Variants in MAD1L1 observed in about 807,000 individuals in gnomAD.
MAD1L1 encodes mitotic arrest deficient 1 like 1.
In MAD1L1, 95 loss-of-function variants were observed where a neutral mutation model predicts 96.9. The ratio of observed to expected loss-of-function variants is 0.98; its 90% CI spans 0.83 to 1.16. The LOEUF (loss-of-function observed/expected upper bound fraction) is 1.16. Among genes scored for constraint, MAD1L1 ranks in the 50% most tolerant of loss-of-function variants. The pLI is 0.00. For missense variants in MAD1L1, 1,007 were observed against 954.4 expected, an observed-to-expected ratio of 1.06 and a Z score of -0.73; for synonymous variants, 473 against 396.6, an observed-to-expected ratio of 1.19 and a Z score of -2.29.
rs1043101211 is a variant in MAD1L1 at position 2,232,862 on chromosome 7, G to C, written c.-190+10C>G. The C allele has an allele frequency of 1.3e-5, 2 of 152,310 alleles. No individual in the cohort carries two copies. The highest frequency in any genetic ancestry group is 2.9e-5 in the Non-Finnish European group (2 of 68,100). 9.4% of individuals were successfully genotyped at this position (152,310 alleles called of 1,614,324 possible). The stretch of plus-strand genomic sequence containing the variant: ...GGGACCCCGCCGCCCGCGCGAGCCG[G>C]GCCGCTTACCTCAGCCGCTCGCAGC... On this transcript the variant is annotated intron_variant, in intron 1 of 18. Coordinates refer to ENST00000265854, the MANE Select transcript of MAD1L1 (RefSeq NM_001013836.2).
rs1477301348 is a variant in MAD1L1, at chr7:2,158,445, A to G, written c.987-9207T>C. On this transcript the variant is annotated intron_variant, in intron 10 of 18. Coordinates refer to ENST00000265854, the MANE Select transcript of MAD1L1 (RefSeq NM_001013836.2). Reference sequence around the variant, plus strand: ...TCAAGCTTTCAAAGAATAGAAATCCACAGGGCCTAGGACCACAGTCCAAAA... The same window carrying G: ...TCAAGCTTTCAAAGAATAGAAATCCGCAGGGCCTAGGACCACAGTCCAAAA... Among the ~76,000 whole-genome samples the G allele has an allele frequency of 2.6e-5, 4 of 152,362 alleles. No individual in the cohort carries two copies. In the East Asian group the frequency reaches 5.8e-4, roughly 22 times the overall value.
intron 14 of MAD1L1, among the ~76,000 whole-genome samples, chr7:1,986,956 C>G (rs1781178481): frequency 2.0e-5 from 3 of 152,132 alleles, no homozygotes; most frequent in Admixed American, 2.0e-4. Context: ...CTGCACCTCC[C>G]CGCCAGGCCA....
chr7:2,168,399 G>A (rs1340582593), intron 10 of MAD1L1, among the ~76,000 whole-genome samples: 2 of 152,232 alleles, frequency 1.3e-5, no homozygotes, highest in African/African-American at 4.8e-5. Context: ...AGAAAAAGGT[G>A]CATCATTAGC....
intron 16 of MAD1L1, among the ~76,000 whole-genome samples, chr7:1,953,738 A>G (rs926100044): frequency 6.6e-6 from 1 of 152,238 alleles, no homozygotes; most frequent in African/African-American, 2.4e-5. Context: ...AACTTCCCTC[A>G]ACTTCACAAC....
chr7:2,044,673 C>G (rs1248824066), intron 12 of MAD1L1, among the ~76,000 whole-genome samples: 1 of 152,208 alleles, frequency 6.6e-6, no homozygotes, highest in African/African-American at 2.4e-5. Flanking sequence ...CTCGGTTTCT[C>G]TTCCTGTACA....
At chr7:2,073,182 T>C (rs1392708984) in intron 11 of MAD1L1, among the ~76,000 whole-genome samples, 4 of 152,192 alleles carry the variant, frequency 2.6e-5, no homozygotes, top group Non-Finnish European at 5.9e-5. Flanking sequence ...TCAGCAGAAC[T>C]AGCATATCCC....
chr7:2,162,711 A>C (rs1387679042), intron 10 of MAD1L1, among the ~76,000 whole-genome samples: 3 of 150,474 alleles, frequency 2.0e-5, no homozygotes, highest in African/African-American at 7.3e-5. Flanking sequence ...CCACTCACAA[A>C]AAAAAAAAAA....
chr7:2,124,881 G>T (rs1788158412), intron 11 of MAD1L1, among the ~76,000 whole-genome samples: 1 of 152,210 alleles, frequency 6.6e-6, no homozygotes, highest in East Asian at 1.9e-4. Context: ...AGTGATGCCA[G>T]CGGGCCTCCC....
chr7:2,227,551 A>G (rs1398476392), intron 3 of MAD1L1, among the ~76,000 whole-genome samples: 1 of 152,214 alleles, frequency 6.6e-6, no homozygotes, highest in Non-Finnish European at 1.5e-5. Context: ...GTCCTGAGAA[A>G]AAAGAATTAC....
At chr7:1,992,641 C>T (rs574472045) in intron 14 of MAD1L1, among the ~76,000 whole-genome samples, 1 of 152,352 alleles carries the variant, frequency 6.6e-6, no homozygotes, top group Non-Finnish European at 1.5e-5. Context: ...CACCTCCTGT[C>T]CCTGTGAAGC....
chr7:1,992,906 G>A (rs377251125), intron 14 of MAD1L1, among the ~76,000 whole-genome samples: 21 of 152,216 alleles, frequency 1.4e-4, no homozygotes, highest in East Asian at 3.9e-4. Flanking sequence ...GAAGATACAC[G>A]TAGCTGAGAA....
chr7:1,943,566 C>G (rs144456729), intron 16 of MAD1L1, among the ~76,000 whole-genome samples: 42 of 152,304 alleles, frequency 2.8e-4, no homozygotes, highest in African/African-American at 9.4e-4. Flanking sequence ...AAATCACAGC[C>G]AGGTATCACT....
At chr7:2,120,006 G>C (rs1280311201) in intron 11 of MAD1L1, among the ~76,000 whole-genome samples, 1 of 152,194 alleles carries the variant, frequency 6.6e-6, no homozygotes, top group Non-Finnish European at 1.5e-5. Context: ...AGGAGCCCCA[G>C]TTCATGCTCT....
At chr7:1,945,562 CTG>C (rs1779191320) in intron 16 of MAD1L1, among the ~76,000 whole-genome samples, 3 of 152,168 alleles carry the variant, frequency 2.0e-5, no homozygotes, top group Admixed American at 6.5e-5. Flanking sequence ...GGGAGAGGTG[CTG>C]CTGCTGCTGG....
chr7:1,896,097 A>T (rs1186035572), intron 18 of MAD1L1, among the ~76,000 whole-genome samples: 1 of 152,020 alleles, frequency 6.6e-6, no homozygotes, highest in Non-Finnish European at 1.5e-5. Flanking sequence ...AGGGCTGGGG[A>T]GCTGGCCAGC....
At chr7:2,082,138 C>T (rs960471003) in intron 11 of MAD1L1, among the ~76,000 whole-genome samples, 2 of 151,728 alleles carry the variant, frequency 1.3e-5, no homozygotes, top group African/African-American at 2.4e-5. Context: ...GGAACACCTG[C>T]GCAGGAGATG....
intron 17 of MAD1L1, among the ~76,000 whole-genome samples, chr7:1,919,245 G>C (rs777864078): frequency 1.3e-5 from 2 of 152,346 alleles, no homozygotes; most frequent in South Asian, 2.1e-4. Flanking sequence ...CAACTGTTAC[G>C]ACGTGGAGCA....
rs961541253 is a variant in MAD1L1, at chr7:2,087,412, C to T, written c.1074-18074G>A. ...AAAATTAGCCAGGCCTGGTGGCGCG[C>T]GCCTGTAATCTCAGCTACTCATGAG... On this transcript the variant is annotated intron_variant, in intron 11 of 18. Transcript: ENST00000265854. Among the ~76,000 whole-genome samples, 14 of 152,150 alleles carry T rather than the reference C, an allele frequency of 9.2e-5. No individual in the cohort carries two copies. The East Asian group carries it at 1.5e-3, about 17-fold the overall frequency.
rs540827992 is a variant in MAD1L1, at chr7:1,847,950, G to A, written c.1999-31722C>T. ...CAGCCGGTTTCTCCAGGGCTAACAGGCCACCCAGATGCAAGCCAGTCTCAG... is the reference window on the plus strand; with the variant it reads ...CAGCCGGTTTCTCCAGGGCTAACAGACCACCCAGATGCAAGCCAGTCTCAG... On this transcript the variant is annotated intron_variant, in intron 18 of 18. Coordinates refer to ENST00000265854, the MANE Select transcript of MAD1L1 (RefSeq NM_001013836.2). 146 of 351,816 alleles carry A rather than the reference G, an allele frequency of 4.1e-4. 1 individual carries two copies. Among genetic ancestry groups the A allele is most frequent in the Middle Eastern group, 2.1e-3 (2 of 966 alleles). The allele number at this position is 351,816 out of a possible 1,614,324, so 21.8% of individuals were successfully genotyped here.
Sources: allele counts gnomAD v4.1 joint callset (sites outside exome capture counted in the v4.1 genomes callset), GRCh38; gene constraint gnomAD v4.1.1; transcripts MANE v1.5; gene names NCBI Gene and HGNC (gene_info 2026-07-23, HGNC 2026-07-21).